The following ADH1B variants were observed in gnomAD, a reference collection of about 807,000 sequenced individuals.
ADH1B encodes the protein alcohol dehydrogenase 1B (class I), beta polypeptide.
In ADH1B, 29 loss-of-function variants were observed where a neutral mutation model predicts 34.6. That is an observed-to-expected ratio of 0.84 (90% CI 0.62 to 1.14). The LOEUF (loss-of-function observed/expected upper bound fraction) is 1.14, where lower values mean the gene tolerates loss of function less well. Among genes scored for constraint, ADH1B ranks in the 50% most tolerant of loss-of-function variants. The pLI, the probability that ADH1B is intolerant of heterozygous loss-of-function variation, is 0.00. For synonymous variants in ADH1B, 170 were observed against 175.5 expected (o/e 0.97, Z 0.25); for missense variants, 424 against 468.4 (o/e 0.91, Z 0.87).
At chr4:99,319,216 A>G (rs17028839) in intron 1 of ADH1B, 11,971 of 387,158 alleles carry the variant, frequency 0.031, 272 homozygotes, top group Non-Finnish European at 0.043. Context: ...ACCCACAACT[A>G]TTAGCTGATA....
chr4:99,313,620 T>A (rs1037038522), intron 6 of ADH1B: 4 of 915,176 alleles, frequency 4.4e-6, no homozygotes, highest in Non-Finnish European at 6.4e-6. Context: ...AGAGGAAATA[T>A]GACTTGAGAC....
chr4:99,312,288 G>C (rs1257314888), intron 6 of ADH1B, among the ~76,000 whole-genome samples: 3 of 152,096 alleles, frequency 2.0e-5, no homozygotes, highest in Admixed American at 2.0e-4. Flanking sequence ...TCAGACACTT[G>C]GTATCTTAAG....
chr4:99,310,776 G>A lies in ADH1B; in HGVS notation c.1092C>T (p.His364=). ...AACTTAAAATCTACCTTTTCCCAGA[G>A]TGAAGCAGGTCAAATCCTTCATTTA... ...EKINEGFDLL[H]SGKSIRTVLT... is the part of the protein sequence containing the mutation. Residue 364 remains histidine (H), a synonymous_variant, in exon 8 of 9, where the codon CAC becomes CAT. Coordinates refer to ENST00000305046, the MANE Select transcript of ADH1B (RefSeq NM_000668.6). The A allele has an allele frequency of 1.2e-6, 2 of 1,610,402 alleles. No homozygotes were observed. The highest frequency in any genetic ancestry group is 2.2e-5 in the East Asian group (1 of 44,786).
intron 5 of ADH1B, chr4:99,315,143 C>T (rs1201169768): frequency 6.6e-6 from 1 of 152,202 alleles, no homozygotes; most frequent in Non-Finnish European, 1.5e-5. Flanking sequence ...ATTTTAGTCT[C>T]AGCTCTCATA....
chr4:99,313,835 G>T lies in ADH1B; in HGVS notation c.814C>A (p.Arg272=). ...ATGGTACATACCATGGTGTCAAGCC[G>T]ACCGATGACTTCAAACGAAAAATCC... The part of the protein sequence containing the change: ...GVDFSFEVIG[R]LDTMMASLLC... The change falls in exon 6 of 9, where the codon CGG becomes AGG. Residue 272 remains arginine (R), a synonymous_variant. Coordinates refer to ENST00000305046, the MANE Select transcript of ADH1B (RefSeq NM_000668.6). 1.2e-6 allele frequency: 2 copies of T among 1,614,018 alleles called. No individual in the cohort carries two copies. Among genetic ancestry groups the T allele is most frequent in the Non-Finnish European group, 1.7e-6 (2 of 1,179,894 alleles).
chr4:99,310,688 C>A, intron 8 of ADH1B, 77 bp downstream of exon 8: 1 of 1,531,004 alleles, frequency 6.5e-7, no homozygotes, highest in Non-Finnish European at 8.7e-7. Context: ...TCTCATCTTT[C>A]CACCTTTTTC....
At chr4:99,318,590 T>C (rs1733945895) in intron 2 of ADH1B, 195 bp downstream of exon 2, 1 of 587,018 alleles carries the variant, frequency 1.7e-6, no homozygotes, top group South Asian at 2.8e-5. Context: ...ACTGGAATTA[T>C]ACTGTATGTA....
rs1286777167 is a variant in ADH1B at position 99,306,887 on chromosome 4, T to C, written c.*953A>G. ...TATATATATATCTACTAGGAAAATA[T>C]ATTGCTTAAGGTGTTTGTGCCATTT... On this transcript the variant is annotated 3_prime_UTR_variant, in exon 9 of 9. Transcript: ENST00000305046. 1 of 152,250 alleles carries C rather than the reference T, an allele frequency of 6.6e-6. No homozygotes were observed. Among genetic ancestry groups the C allele is most frequent in the Non-Finnish European group, 1.5e-5 (1 of 68,044 alleles). 9.4% of individuals were successfully genotyped at this position (152,250 alleles called of 1,614,324 possible). A position where few individuals can be genotyped will look rare whatever the true frequency, so the allele number is the denominator to read the frequency against.
chr4:99,315,538 A>G, intron 5 of ADH1B: 1 of 329,032 alleles, frequency 3.0e-6, no homozygotes, highest in Non-Finnish European at 5.7e-6. Flanking sequence ...GCTTCATTTC[A>G]TTTACTTTTG....
At position 99,311,669 on chromosome 4, in the gene ADH1B, G is replaced by T. The variant is rs757642601; in HGVS notation, c.829-13C>A. The T allele has an allele frequency of 2.5e-6, 4 of 1,613,074 alleles. No homozygotes were observed. The East Asian group carries it at 6.7e-5, about 27-fold the overall frequency. On this transcript the variant is annotated splice_polypyrimidine_tract_variant and intron_variant, in intron 6 of 8. Coordinates refer to ENST00000305046, the MANE Select transcript of ADH1B (RefSeq NM_000668.6). ...ACAGGGAAGCCATCTGGAATAAAGT[G>T]AATATTTAGCATCCTTAACGTGGAG...
intron 1 of ADH1B, chr4:99,320,113 A>C (rs992352976): frequency 6.6e-5 from 10 of 152,092 alleles, no homozygotes; most frequent in Admixed American, 5.9e-4. Flanking sequence ...TAAGTTCTTT[A>C]GTGGTGATTT....
intron 1 of ADH1B, chr4:99,320,099 C>G (rs749039216): frequency 6.6e-6 from 1 of 152,030 alleles, no homozygotes; most frequent in Admixed American, 6.6e-5. Flanking sequence ...TTTGGTTACA[C>G]GGATAAGTTC....
chr4:99,315,573 G>A, intron 5 of ADH1B: 1 of 386,472 alleles, frequency 2.6e-6, no homozygotes, highest in South Asian at 2.4e-5. Flanking sequence ...CAGAACCTAT[G>A]GTGCCTGAGG....
intron 1 of ADH1B, chr4:99,320,966 T>G: frequency 8.5e-7 from 1 of 1,178,342 alleles, no homozygotes; most frequent in Non-Finnish European, 1.1e-6. Flanking sequence ...GAATTATGGT[T>G]TCTTATTATA....
chr4:99,316,371 T>A, intron 3 of ADH1B, 69 bp from the exon 4 acceptor site: 6 of 1,438,434 alleles, frequency 4.2e-6, no homozygotes, highest in Non-Finnish European at 5.8e-6. Flanking sequence ...GACTTAAAGC[T>A]CACATGTATT....
In ADH1B at chr4:99,307,054, G is replaced by C. The variant is rs987446187; in HGVS notation, c.*786C>G. ...TCATTTATAGCCACAAACTAATACT[G>C]TTTAGTCAATGAAGCACTTTCATCA... On this transcript the variant is annotated 3_prime_UTR_variant, in exon 9 of 9. Transcript: ENST00000305046. 1 of 152,016 alleles carries C rather than the reference G, an allele frequency of 6.6e-6. No individual in the cohort carries two copies. Among genetic ancestry groups the C allele is most frequent in the South Asian group, 2.1e-4 (1 of 4,808 alleles). The allele number at this position is 152,016 out of a possible 1,614,324, so 9.4% of individuals were successfully genotyped here. A position where few individuals can be genotyped will look rare whatever the true frequency, so the allele number is the denominator to read the frequency against.
intron 5 of ADH1B, 137 bp from the exon 6 acceptor site, chr4:99,314,218 T>C: frequency 7.3e-7 from 1 of 1,378,678 alleles, no homozygotes; most frequent in Non-Finnish European, 9.8e-7. Flanking sequence ...AAACCTCTTT[T>C]GGCTTCAGTT....
rs1207937712 is a variant in ADH1B, at chr4:99,310,771, C to G, written c.1097G>C (p.Gly366Ala). The part of the protein sequence containing the change: ...INEGFDLLHS[G>A]KSIRTVLTF ...AAACTAACTTAAAATCTACCTTTTC[C>G]CAGAGTGAAGCAGGTCAAATCCTTC... The change falls in exon 8 of 9, where the codon GGG (glycine) becomes GCG (alanine). Residue 366 changes from glycine (G) to alanine (A), a missense_variant. Physicochemically the swap from Gly to Ala is moderately conservative, Grantham distance 60 (BLOSUM62 0). Around this residue, in one of 3 missense-constraint regions of ADH1B, gnomAD observed 130 missense variants for 151.8 expected, o/e 0.86. Coordinates refer to ENST00000305046, the MANE Select transcript of ADH1B (RefSeq NM_000668.6). The G allele has an allele frequency of 3.1e-6, 5 of 1,606,414 alleles. No homozygotes were observed. The highest frequency in any genetic ancestry group is 1.7e-5 in the Admixed American group (1 of 57,786).
intron 8 of ADH1B, among the ~76,000 whole-genome samples, chr4:99,309,015 C>T (rs1211381506): frequency 3.3e-5 from 5 of 151,792 alleles, no homozygotes; most frequent in Admixed American, 2.6e-4. Context: ...ATTGCATATA[C>T]AACATATACA....
Sources: allele counts gnomAD v4.1 joint callset (sites outside exome capture counted in the v4.1 genomes callset), GRCh38; gene constraint gnomAD v4.1.1; regional missense constraint gnomAD v4.1.1; transcripts MANE v1.5; gene names NCBI Gene and HGNC (gene_info 2026-07-23, HGNC 2026-07-21).